Variants in UST observed in about 807,000 individuals in gnomAD.
The protein encoded by UST is uronyl 2-sulfotransferase.
UST carries 21 observed loss-of-function variants against 45.6 expected under a neutral mutation model. The observed-to-expected ratio is 0.46, with a 90% CI of 0.33 to 0.66. The LOEUF (loss-of-function observed/expected upper bound fraction) is 0.66, where lower values mean the gene tolerates loss of function less well. UST is among the 30% of genes least tolerant of loss of function. The pLI, the probability that UST is intolerant of heterozygous loss-of-function variation, is 0.02. For synonymous variants in UST, 215 were observed against 200.6 expected (o/e 1.07, Z -0.61); for missense variants, 463 against 512.4 (o/e 0.90, Z 0.93).
At chr6:148,987,504 C>T (rs1359859575) in intron 5 of UST, among the ~76,000 whole-genome samples, 11 of 152,200 alleles carry the variant, frequency 7.2e-5, no homozygotes, top group Admixed American at 7.2e-4. Context: ...AAAATTTCTA[C>T]TGCACATGAG....
chr6:148,861,860 A>G lies in UST; in HGVS notation c.248-25126A>G, dbSNP rs532085744. On this transcript the variant is annotated intron_variant, in intron 1 of 7. Coordinates refer to ENST00000367463, the MANE Select transcript of UST (RefSeq NM_005715.3). The stretch of plus-strand genomic sequence containing the variant: ...TAGTTTGATTGCACTGAGGTCTGAC[A>G]GACAGTTTTTTGTGATTTCTGTTCT... 1.2e-4 allele frequency among the ~76,000 whole-genome samples: 19 copies of G among 152,352 alleles called. No individual in the cohort carries two copies. In the South Asian group the frequency reaches 3.3e-3, roughly 27 times the overall value.
intron 7 of UST, among the ~76,000 whole-genome samples, chr6:149,072,320 G>A (rs771590967): frequency 1.6e-4 from 24 of 152,118 alleles, no homozygotes; most frequent in Non-Finnish European, 2.8e-4. Flanking sequence ...AACAAATTGC[G>A]TTCTATCTAT....
intron 2 of UST, among the ~76,000 whole-genome samples, chr6:148,903,011 T>G (rs1779289294): frequency 1.3e-5 from 2 of 152,216 alleles, no homozygotes; most frequent in Non-Finnish European, 2.9e-5. Flanking sequence ...TTTTGGTTGC[T>G]ATTCTGGATG....
chr6:149,003,334 A>G (rs1488989228), intron 5 of UST, among the ~76,000 whole-genome samples: 5 of 152,240 alleles, frequency 3.3e-5, no homozygotes, highest in African/African-American at 1.2e-4. Flanking sequence ...GTATTCAACT[A>G]ACCACTGGAT....
chr6:148,904,627 G>A (rs561102050), intron 2 of UST, among the ~76,000 whole-genome samples: 6 of 151,978 alleles, frequency 3.9e-5, no homozygotes, highest in Non-Finnish European at 8.8e-5. Context: ...AGGTTCAAGC[G>A]ATTCTCCTGC....
At chr6:148,769,039 G>A (rs1363634969) in intron 1 of UST, among the ~76,000 whole-genome samples, 1 of 152,252 alleles carries the variant, frequency 6.6e-6, no homozygotes, top group Non-Finnish European at 1.5e-5. Flanking sequence ...GATTGCCCAT[G>A]TGCAGGATTG....
chr6:149,017,512 T>C (rs1204095498), intron 5 of UST, among the ~76,000 whole-genome samples: 1 of 152,228 alleles, frequency 6.6e-6, no homozygotes, highest in African/African-American at 2.4e-5. Flanking sequence ...AATCGTGTGC[T>C]GTGTCTCCTT....
chr6:148,928,468 T>C (rs1779861266), intron 2 of UST, among the ~76,000 whole-genome samples: 1 of 152,252 alleles, frequency 6.6e-6, no homozygotes, highest in Non-Finnish European at 1.5e-5. Context: ...TTTTGAATAA[T>C]GATTTATTTT....
chr6:148,895,908 A>AT (rs1042623534), intron 2 of UST, among the ~76,000 whole-genome samples: 1 of 152,164 alleles, frequency 6.6e-6, no homozygotes, highest in Non-Finnish European at 1.5e-5. Flanking sequence ...GAAAGATTAC[A>AT]TTTTTTTCCC....
intron 5 of UST, among the ~76,000 whole-genome samples, chr6:149,007,424 A>T (rs1166840260): frequency 2.0e-5 from 3 of 149,322 alleles, no homozygotes; most frequent in Non-Finnish European, 4.4e-5. Context: ...AGTAGCTGGG[A>T]CTACAGGCGC....
chr6:148,853,352 C>T (rs982035271), intron 1 of UST, among the ~76,000 whole-genome samples: 3 of 152,090 alleles, frequency 2.0e-5, no homozygotes, highest in Non-Finnish European at 4.4e-5. Context: ...TCCAGTCTGT[C>T]GTCTGTCATT....
rs533296939 is a variant in UST, at chr6:148,775,942, T to G, written c.247+28265T>G. Among the ~76,000 whole-genome samples, 11 of 152,268 alleles carry G rather than the reference T, an allele frequency of 7.2e-5. No homozygotes were observed. In the East Asian group the frequency reaches 1.7e-3, roughly 24 times the overall value. The stretch of plus-strand genomic sequence containing the variant: ...CCACTGCGCCCGGCCTGGTAAAATA[T>G]GAATTTTATACCTTGTTCTAGGAGA... On this transcript the variant is annotated intron_variant, in intron 1 of 7. Coordinates refer to ENST00000367463, the MANE Select transcript of UST (RefSeq NM_005715.3).
intron 5 of UST, among the ~76,000 whole-genome samples, chr6:149,009,821 C>CTT (rs60752380): frequency 2.9e-4 from 42 of 143,292 alleles, no homozygotes; most frequent in African/African-American, 9.8e-4. Context: ...TACCTTTTGT[C>CTT]TTTTTTTTTT....
At chr6:148,775,765 T>TC (rs1438872422) in intron 1 of UST, among the ~76,000 whole-genome samples, 1 of 152,008 alleles carries the variant, frequency 6.6e-6, no homozygotes, top group Non-Finnish European at 1.5e-5. Context: ...GTAGCTGGGA[T>TC]CACAGGCACA....
intron 5 of UST, among the ~76,000 whole-genome samples, chr6:149,014,844 C>T (rs1159613048): frequency 6.6e-6 from 1 of 152,150 alleles, no homozygotes; most frequent in Admixed American, 6.5e-5. Context: ...GGAAGTCTGG[C>T]CAGGGAAATC....
intron 1 of UST, among the ~76,000 whole-genome samples, chr6:148,870,131 C>CACACACACACACACACACACAT (rs1778520815): frequency 6.6e-6 from 1 of 151,278 alleles, no homozygotes; most frequent in Non-Finnish European, 1.5e-5. Flanking sequence ...CACACACACA[C>CACACACACACACACACACACAT]ACACACACAC....
intron 1 of UST, among the ~76,000 whole-genome samples, chr6:148,808,452 C>T (rs1777192047): frequency 6.6e-6 from 1 of 151,878 alleles, no homozygotes; most frequent in South Asian, 2.1e-4. Context: ...CTACTCCTGC[C>T]CTGGCAGCCG....
chr6:148,813,101 T>C (rs1179358132), intron 1 of UST, among the ~76,000 whole-genome samples: 1 of 152,234 alleles, frequency 6.6e-6, no homozygotes, highest in African/African-American at 2.4e-5. Context: ...AAGATTTTCT[T>C]ATGTGTTTGT....
intron 7 of UST, among the ~76,000 whole-genome samples, chr6:149,040,816 A>G (rs114305282): frequency 0.016 from 2,411 of 152,260 alleles, 75 homozygotes; most frequent in African/African-American, 0.055. Context: ...AGAAACATCC[A>G]GGTAAAGACT....
Sources: gnomAD v4.1 joint callset for allele counts (sites outside exome capture counted in the v4.1 genomes callset) on GRCh38, gnomAD v4.1.1 for gene constraint, MANE v1.5 for transcripts, NCBI Gene and HGNC (gene_info 2026-07-23, HGNC 2026-07-21) for gene names.